The following B4GALNT3 variants were observed in gnomAD, a reference collection of about 807,000 sequenced individuals.
B4GALNT3 encodes the protein beta-1,4-N-acetyl-galactosaminyltransferase 3.
In B4GALNT3, 86 loss-of-function variants were observed where a neutral mutation model predicts 120.2. That is an observed-to-expected ratio of 0.72 (90% CI 0.60 to 0.86). The LOEUF is 0.86. Among genes scored for constraint, B4GALNT3 ranks in the 40% least tolerant of loss-of-function variants. The pLI is 0.00. For synonymous variants in B4GALNT3, 518 were observed against 510.4 expected, an observed-to-expected ratio of 1.01 and a Z score of -0.20; for missense variants, 1,167 against 1,298.9, an observed-to-expected ratio of 0.90 and a Z score of 1.56.
chr12:536,979 CTA>C (rs1946867695), intron 3 of B4GALNT3, among the ~76,000 whole-genome samples: 1 of 152,196 alleles, frequency 6.6e-6, no homozygotes, highest in African/African-American at 2.4e-5. Flanking sequence ...GCTTTTAAAA[CTA>C]TAATATACTA....
chr12:546,585 C>T (rs1947011051), intron 6 of B4GALNT3, 61 bp from the exon 7 acceptor site: 3 of 1,458,062 alleles, frequency 2.1e-6, no homozygotes, highest in Middle Eastern at 1.7e-4. Context: ...TCGCACTCAC[C>T]GCCTCGCGTG....
chr12:557,181 G>A (rs1321211225), intron 15 of B4GALNT3, among the ~76,000 whole-genome samples: 3 of 152,152 alleles, frequency 2.0e-5, no homozygotes, highest in East Asian at 3.8e-4. Flanking sequence ...GACGGGCAGC[G>A]TACTTAATGA....
chr12:533,012 T>C (rs1946822186), intron 1 of B4GALNT3, among the ~76,000 whole-genome samples: 1 of 152,150 alleles, frequency 6.6e-6, no homozygotes, highest in Non-Finnish European at 1.5e-5. Flanking sequence ...AAGCTTCTCT[T>C]GAGTAAGAAG....
intron 7 of B4GALNT3, among the ~76,000 whole-genome samples, chr12:547,327 A>G (rs1324223151): frequency 2.0e-5 from 3 of 152,170 alleles, no homozygotes; most frequent in African/African-American, 7.2e-5. Context: ...TCAAACAACT[A>G]GAGAAAAAGA....
intron 1 of B4GALNT3, among the ~76,000 whole-genome samples, chr12:498,163 C>A (rs1946406283): frequency 6.6e-6 from 1 of 152,196 alleles, no homozygotes; most frequent in Non-Finnish European, 1.5e-5. Context: ...CCCACAGTTG[C>A]CCCTGAAGAG....
intron 1 of B4GALNT3, among the ~76,000 whole-genome samples, chr12:493,522 ACT>A (rs1448682964): frequency 1.3e-5 from 2 of 152,090 alleles, no homozygotes; most frequent in East Asian, 1.9e-4. Flanking sequence ...TTCTTTCAAA[ACT>A]CAACATACTC....
intron 1 of B4GALNT3, among the ~76,000 whole-genome samples, chr12:490,919 G>A (rs1946333966): frequency 6.6e-6 from 1 of 152,188 alleles, no homozygotes; most frequent in Admixed American, 6.5e-5. Context: ...CCCAGGCCCA[G>A]ATGGGTCTGC....
intron 3 of B4GALNT3, chr12:543,280 C>T (rs1248387410): frequency 7.0e-6 from 8 of 1,139,660 alleles, no homozygotes; most frequent in Non-Finnish European, 8.2e-6. Flanking sequence ...GAGAGGAGCA[C>T]CGGCCCCTTT....
chr12:517,224 T>C (rs1014205401), intron 1 of B4GALNT3, among the ~76,000 whole-genome samples: 2 of 152,214 alleles, frequency 1.3e-5, no homozygotes, highest in Non-Finnish European at 2.9e-5. Context: ...GCAGTGTTGA[T>C]GGCAAAGACA....
intron 1 of B4GALNT3, among the ~76,000 whole-genome samples, chr12:464,967 A>G (rs890938464): frequency 2.0e-5 from 3 of 152,084 alleles, no homozygotes; most frequent in Non-Finnish European, 4.4e-5. Flanking sequence ...CCCTCCAGTG[A>G]GAGAGGTAAT....
intron 1 of B4GALNT3, among the ~76,000 whole-genome samples, chr12:520,580 C>T (rs538756725): frequency 1.8e-4 from 27 of 152,368 alleles, no homozygotes; most frequent in Middle Eastern, 3.4e-3. Context: ...GCCATCATAA[C>T]GGCCGATGTC....
At position 548,292 on chromosome 12, in the gene B4GALNT3, T is replaced by C; in HGVS notation, c.848T>C (p.Phe283Ser). Residue 283 changes from phenylalanine (F) to serine (S), a missense_variant, in exon 9 of 20, where the codon TTC (phenylalanine) becomes TCC (serine). Phe to Ser is a radical substitution (Grantham distance 155, BLOSUM62 -2). Around this residue, in one of 3 missense-constraint regions of B4GALNT3, gnomAD observed 983 missense variants for 1,102.5 expected, o/e 0.89. Transcript: ENST00000266383. The surrounding 1 kb of genome is among the most constrained non-coding windows in gnomAD (Gnocchi z 4.9). ...TIIDSLSLSL[F>S]TNETFLQMDE... ...ATTGACTCCCTCTCCCTGTCCCTCT[T>C]CACAAGTGAGTAGGCTCTGGCCCTG... The C allele has an allele frequency of 6.2e-7, 1 of 1,613,944 alleles. No individual in the cohort carries two copies. The highest frequency in any genetic ancestry group is 8.5e-7 in the Non-Finnish European group (1 of 1,179,884).
At chr12:553,137 C>T in intron 13 of B4GALNT3, 57 bp from the exon 14 acceptor site, 1 of 1,585,140 alleles carries the variant, frequency 6.3e-7, no homozygotes, top group South Asian at 1.2e-5. Context: ...TCTTGTATGT[C>T]TTGTTTGGAA....
intron 1 of B4GALNT3, among the ~76,000 whole-genome samples, chr12:514,353 A>G (rs984762245): frequency 2.6e-5 from 4 of 152,014 alleles, no homozygotes; most frequent in Non-Finnish European, 4.4e-5. Flanking sequence ...GCCCGCCACC[A>G]CGCCTGGCTA....
chr12:528,851 C>T (rs1946780828), intron 1 of B4GALNT3, among the ~76,000 whole-genome samples: 1 of 152,218 alleles, frequency 6.6e-6, no homozygotes, highest in South Asian at 2.1e-4. Flanking sequence ...GCCTCATGTT[C>T]ATTCCCTTGA....
At chr12:471,018 C>T (rs1302842842) in intron 1 of B4GALNT3, among the ~76,000 whole-genome samples, 1 of 151,964 alleles carries the variant, frequency 6.6e-6, no homozygotes, top group African/African-American at 2.4e-5. Flanking sequence ...CGTGAGCCAC[C>T]GTGCCCAGTG....
intron 1 of B4GALNT3, among the ~76,000 whole-genome samples, chr12:509,858 T>C (rs1946529582): frequency 6.6e-6 from 1 of 152,098 alleles, no homozygotes; most frequent in African/African-American, 2.4e-5. Flanking sequence ...CTGTGGGTGG[T>C]GGGAGCAAGA....
At chr12:480,062 C>T (rs1185957586) in intron 1 of B4GALNT3, among the ~76,000 whole-genome samples, 1 of 151,890 alleles carries the variant, frequency 6.6e-6, no homozygotes, top group African/African-American at 2.4e-5. Flanking sequence ...TACAGGCGCT[C>T]GCCACCACCC....
chr12:494,760 C>T (rs1457972911), intron 1 of B4GALNT3, among the ~76,000 whole-genome samples: 1 of 151,984 alleles, frequency 6.6e-6, no homozygotes, highest in Non-Finnish European at 1.5e-5. Flanking sequence ...GAGCACCAGG[C>T]TCCTGAGGCA....
Sources: gnomAD v4.1 joint callset for allele counts (sites outside exome capture counted in the v4.1 genomes callset) on GRCh38, gnomAD v4.1.1 for gene constraint, gnomAD v4.1.1 regional missense constraint, Gnocchi (gnomAD v3.1) non-coding constraint, MANE v1.5 for transcripts, NCBI Gene and HGNC (gene_info 2026-07-23, HGNC 2026-07-21) for gene names.